PRKCH: variants seen among roughly 807,000 people sequenced by gnomAD.
PRKCH encodes the protein protein kinase C eta.
PRKCH carries 28 observed loss-of-function variants against 82.5 expected under a neutral mutation model. The observed-to-expected ratio is 0.34, with a 90% CI of 0.25 to 0.47. The LOEUF (loss-of-function observed/expected upper bound fraction) is 0.47. Among genes scored for constraint, PRKCH ranks in the 20% least tolerant of loss-of-function variants. PRKCH has a pLI of 1.00. For synonymous variants in PRKCH, 322 were observed against 327.4 expected, an observed-to-expected ratio of 0.98 and a Z score of 0.18; for missense variants, 705 against 881.8, an observed-to-expected ratio of 0.80 and a Z score of 2.54.
At chr14:61,371,776 A>T (rs1016171398) in intron 1 of PRKCH, among the ~76,000 whole-genome samples, 1 of 152,026 alleles carries the variant, frequency 6.6e-6, no homozygotes, top group South Asian at 2.1e-4. Flanking sequence ...TTGGGAAGGA[A>T]GTCACTGTAC....
chr14:61,250,536 T>C (rs1173988913), intron 1 of PRKCH, among the ~76,000 whole-genome samples: 1 of 152,126 alleles, frequency 6.6e-6, no homozygotes, highest in Non-Finnish European at 1.5e-5. Flanking sequence ...TCTGTCTCCA[T>C]AGGCCAAACA....
chr14:61,349,449 G>A (rs1053507200), intron 1 of PRKCH, among the ~76,000 whole-genome samples: 2 of 152,180 alleles, frequency 1.3e-5, no homozygotes, highest in African/African-American at 4.8e-5. Flanking sequence ...CAATAAAAGG[G>A]AAAGGAAGAG....
chr14:61,268,422 T>C (rs571515127), intron 1 of PRKCH, among the ~76,000 whole-genome samples: 52 of 152,236 alleles, frequency 3.4e-4, no homozygotes, highest in African/African-American at 1.1e-3. Flanking sequence ...TCCCAGCACT[T>C]TGGGGGGCTG....
intron 1 of PRKCH, among the ~76,000 whole-genome samples, chr14:61,365,730 AC>A (rs1197210319): frequency 2.0e-5 from 3 of 152,068 alleles, no homozygotes; most frequent in Non-Finnish European, 4.4e-5. Context: ...TGGTATGAGG[AC>A]ATAAAGAGGC....
intron 10 of PRKCH, among the ~76,000 whole-genome samples, chr14:61,515,771 A>G (rs925551639): frequency 1.6e-4 from 25 of 152,170 alleles, no homozygotes; most frequent in Non-Finnish European, 2.2e-4. Flanking sequence ...AGTTATCTAG[A>G]ATTTACGAAG....
At chr14:61,203,098 C>T (rs948499360) in intron 1 of PRKCH, among the ~76,000 whole-genome samples, 5 of 152,096 alleles carry the variant, frequency 3.3e-5, no homozygotes, top group South Asian at 2.1e-4. Flanking sequence ...CTCTTACCCA[C>T]GAAGTGAAAC....
chr14:61,498,537 T>G (rs974162110), intron 10 of PRKCH, among the ~76,000 whole-genome samples: 14 of 152,170 alleles, frequency 9.2e-5, no homozygotes, highest in Non-Finnish European at 2.1e-4. Flanking sequence ...CAGACTGGAT[T>G]CCTTGAACAG....
chr14:61,337,573 A>C (rs925884941), intron 1 of PRKCH, among the ~76,000 whole-genome samples: 1 of 152,100 alleles, frequency 6.6e-6, no homozygotes, highest in African/African-American at 2.4e-5. Context: ...GTCGTGCACC[A>C]CCGTGGTTGG....
intron 10 of PRKCH, among the ~76,000 whole-genome samples, chr14:61,515,391 C>A (rs2042808640): frequency 6.6e-6 from 1 of 152,194 alleles, no homozygotes; most frequent in African/African-American, 2.4e-5. Flanking sequence ...CCTAGCAGAA[C>A]CAGTCACCTG....
At chr14:61,251,358 C>G (rs999914098) in intron 1 of PRKCH, among the ~76,000 whole-genome samples, 2 of 152,144 alleles carry the variant, frequency 1.3e-5, no homozygotes, top group Non-Finnish European at 2.9e-5. Context: ...CTCCACTACC[C>G]TTCCCACCCT....
At chr14:61,465,363 C>A (rs775899556) in intron 9 of PRKCH, among the ~76,000 whole-genome samples, 82 of 152,178 alleles carry the variant, frequency 5.4e-4, no homozygotes, top group Non-Finnish European at 1.0e-3. Flanking sequence ...TTAGGTCTTA[C>A]ATTTAAGTCT....
intron 2 of PRKCH, among the ~76,000 whole-genome samples, chr14:61,431,670 T>C (rs951343491): frequency 1.2e-4 from 19 of 152,214 alleles, no homozygotes; most frequent in African/African-American, 4.6e-4. Context: ...TCTGCAACAG[T>C]ATAGCTCTGC....
At chr14:61,494,232 G>A (rs1288417888) in intron 10 of PRKCH, among the ~76,000 whole-genome samples, 1 of 152,142 alleles carries the variant, frequency 6.6e-6, no homozygotes, top group East Asian at 1.9e-4. Context: ...CTCTTAAATG[G>A]AACAGTGTGA....
chr14:61,286,215 TA>T lies in PRKCH; in HGVS notation c.-19+98552del, dbSNP rs1209270440. The stretch of plus-strand genomic sequence containing the variant: ...CTCTGCCCATGGGGCAGCTTTTATT[TA>T]AAAAGAATCAAATTAAATTGCTTCA... On this transcript the variant is annotated intron_variant, in intron 1 of 3. Transcript: ENST00000555185. Among the ~76,000 whole-genome samples, 4 of 152,312 alleles carry T rather than the reference TA, an allele frequency of 2.6e-5. No individual in the cohort carries two copies. The East Asian group carries it at 7.7e-4, about 29-fold the overall frequency.
chr14:61,374,911 A>T (rs2046411146), intron 1 of PRKCH, among the ~76,000 whole-genome samples: 1 of 152,102 alleles, frequency 6.6e-6, no homozygotes, highest in Non-Finnish European at 1.5e-5. Context: ...TTCTCCCCAG[A>T]AAATGGGTTT....
intron 2 of PRKCH, among the ~76,000 whole-genome samples, chr14:61,416,150 G>A (rs1444983798): frequency 9.1e-5 from 12 of 131,992 alleles, no homozygotes; most frequent in African/African-American, 2.5e-4. Flanking sequence ...CCCCGCCCCC[G>A]GGCTCAAGCC....
In PRKCH at chr14:61,417,948, G is replaced by A. The variant is rs77828989; in HGVS notation, c.428-25163G>A. Among the ~76,000 whole-genome samples the A allele has an allele frequency of 2.8e-3, 431 of 152,310 alleles. 1 individual carries two copies. The highest frequency in any genetic ancestry group is 8.9e-3 in the African/African-American group (371 of 41,560). Reference sequence around the variant, plus strand: ...TCTCTACTGAAAGGGTAGAGGCCAGGTCATCTGACCTACTGATTAAACTTG... The same window carrying A: ...TCTCTACTGAAAGGGTAGAGGCCAGATCATCTGACCTACTGATTAAACTTG... On this transcript the variant is annotated intron_variant, in intron 2 of 13. Transcript: ENST00000332981.
chr14:61,501,961 C>T (rs914453731), intron 10 of PRKCH, among the ~76,000 whole-genome samples: 3 of 151,792 alleles, frequency 2.0e-5, no homozygotes, highest in South Asian at 4.2e-4. Context: ...ATATTATCTA[C>T]CTGAAGAACA....
At chr14:61,425,707 T>C (rs773203810) in intron 2 of PRKCH, among the ~76,000 whole-genome samples, 9 of 152,206 alleles carry the variant, frequency 5.9e-5, no homozygotes, top group Non-Finnish European at 1.3e-4. Flanking sequence ...TGATTGGTTT[T>C]GAAATGTGAA....
Sources: allele counts gnomAD v4.1 joint callset (sites outside exome capture counted in the v4.1 genomes callset), GRCh38; gene constraint gnomAD v4.1.1; transcripts MANE v1.5; gene names NCBI Gene and HGNC (gene_info 2026-07-23, HGNC 2026-07-21).